Variants in SCMH1 observed in about 807,000 individuals in gnomAD.
SCMH1 encodes polycomb protein SCMH1.
In SCMH1, 37 loss-of-function variants were observed where a neutral mutation model predicts 70.8. The ratio of observed to expected loss-of-function variants is 0.52; its 90% confidence interval spans 0.40 to 0.69. The LOEUF (loss-of-function observed/expected upper bound fraction) is 0.69. SCMH1 is among the 30% of genes least tolerant of loss of function. The pLI is 0.00. For missense variants in SCMH1, 607 were observed against 827.3 expected, an observed-to-expected ratio of 0.73 and a Z score of 3.27; for synonymous variants, 292 against 307.4, an observed-to-expected ratio of 0.95 and a Z score of 0.52.
chr1:41,086,071 C>G (rs1297783693), intron 8 of SCMH1, among the ~76,000 whole-genome samples: 1 of 152,054 alleles, frequency 6.6e-6, no homozygotes, highest in African/African-American at 2.4e-5. Flanking sequence ...GATCTCCTGA[C>G]CTTGTGATCT....
intron 8 of SCMH1, among the ~76,000 whole-genome samples, chr1:41,108,897 G>T (rs144701432): frequency 6.6e-6 from 1 of 152,170 alleles, no homozygotes; most frequent in Non-Finnish European, 1.5e-5. Flanking sequence ...GCTCAATGAC[G>T]TAACCAAGTT....
chr1:41,163,465 C>T (rs1646206906), intron 2 of SCMH1, among the ~76,000 whole-genome samples: 1 of 152,218 alleles, frequency 6.6e-6, no homozygotes, highest in Admixed American at 6.5e-5. Context: ...GGTTTCCGGC[C>T]AGAAAAGCAA....
chr1:41,181,601 CTCA>C (rs1409976773), intron 2 of SCMH1, among the ~76,000 whole-genome samples: 1 of 152,164 alleles, frequency 6.6e-6, no homozygotes, highest in Non-Finnish European at 1.5e-5. Context: ...TGAAGAAATG[CTCA>C]TCATCACTGG....
chr1:41,240,854 TTAC>T (rs1311646182), intron 1 of SCMH1, among the ~76,000 whole-genome samples: 1 of 152,120 alleles, frequency 6.6e-6, no homozygotes, highest in African/African-American at 2.4e-5. Flanking sequence ...TTAGAGAAAC[TTAC>T]TACGTTTTGT....
chr1:41,238,136 T>C (rs1268116325), intron 1 of SCMH1, among the ~76,000 whole-genome samples: 1 of 152,246 alleles, frequency 6.6e-6, no homozygotes, highest in East Asian at 1.9e-4. Flanking sequence ...ATCTGAATTT[T>C]GGTGTTTCTA....
intron 8 of SCMH1, among the ~76,000 whole-genome samples, chr1:41,108,506 GTTTTA>G (rs978318967): frequency 6.6e-6 from 1 of 152,150 alleles, no homozygotes; most frequent in Non-Finnish European, 1.5e-5. Flanking sequence ...ATCTGTTTCA[GTTTTA>G]TTTTAAGTCA....
At chr1:41,196,057 T>C (rs1652943561) in intron 1 of SCMH1, among the ~76,000 whole-genome samples, 1 of 151,976 alleles carries the variant, frequency 6.6e-6, no homozygotes, top group Non-Finnish European at 1.5e-5. Flanking sequence ...CAGAAAGAAA[T>C]TAAAGAAGAT....
At chr1:41,132,124 C>T (rs140678348) in intron 6 of SCMH1, among the ~76,000 whole-genome samples, 1 of 152,356 alleles carries the variant, frequency 6.6e-6, no homozygotes, top group Non-Finnish European at 1.5e-5. Context: ...AATCGCGACA[C>T]TGTCTTCCAC....
At chr1:41,188,360 C>T (rs1243607105) in intron 1 of SCMH1, among the ~76,000 whole-genome samples, 1 of 152,152 alleles carries the variant, frequency 6.6e-6, no homozygotes, top group Non-Finnish European at 1.5e-5. Flanking sequence ...GAACTCCTGA[C>T]CTCAAGAATC....
chr1:41,158,839 T>C (rs1296830586), intron 4 of SCMH1, among the ~76,000 whole-genome samples: 1 of 152,052 alleles, frequency 6.6e-6, no homozygotes, highest in East Asian at 1.9e-4. Flanking sequence ...GAGAAGGCAG[T>C]CCCTAGAGCT....
chr1:41,231,912 C>T (rs1413726212), intron 1 of SCMH1, among the ~76,000 whole-genome samples: 1 of 151,606 alleles, frequency 6.6e-6, no homozygotes, highest in Non-Finnish European at 1.5e-5. Flanking sequence ...ATCCTAGCTA[C>T]TCAGGAGGCT....
At position 41,167,752 on chromosome 1, in the gene SCMH1, C is replaced by T. The variant is rs535553351; in HGVS notation, c.14-6320G>A. ...TGAGTTTTATACTTTCATGTTTTCA[C>T]GTTGCTGATTAACGTTCTCTTCCGA... On this transcript the variant is annotated intron_variant, in intron 2 of 14. Transcript: ENST00000337495. Among the ~76,000 whole-genome samples the T allele has an allele frequency of 5.9e-5, 9 of 152,178 alleles. No homozygotes were observed. The South Asian group carries it at 1.2e-3, about 21-fold the overall frequency.
intron 10 of SCMH1, among the ~76,000 whole-genome samples, chr1:41,056,094 C>G (rs963194816): frequency 6.6e-6 from 1 of 152,170 alleles, no homozygotes; most frequent in Non-Finnish European, 1.5e-5. Flanking sequence ...ACTGATTGAT[C>G]AATAGAATAT....
chr1:41,136,582 C>T (rs888290704), intron 6 of SCMH1, among the ~76,000 whole-genome samples: 6 of 151,608 alleles, frequency 4.0e-5, no homozygotes, highest in Admixed American at 2.6e-4. Flanking sequence ...CCATGTTGGC[C>T]AGGATGGTCT....
chr1:41,052,932 T>TTC (rs57075280), intron 10 of SCMH1, among the ~76,000 whole-genome samples: 3 of 150,696 alleles, frequency 2.0e-5, no homozygotes, highest in African/African-American at 7.3e-5. Flanking sequence ...TTTTTTTTTT[T>TTC]CTTGAGACAG....
At chr1:41,125,499 G>C (rs1476383217) in intron 6 of SCMH1, among the ~76,000 whole-genome samples, 1 of 151,048 alleles carries the variant, frequency 6.6e-6, no homozygotes, top group African/African-American at 2.4e-5. Context: ...TTACAGGTGT[G>C]AGCCACTTTG....
chr1:41,227,562 G>T (rs1660509777), intron 1 of SCMH1, among the ~76,000 whole-genome samples: 3 of 152,158 alleles, frequency 2.0e-5, no homozygotes, highest in African/African-American at 7.2e-5. Context: ...CAAATTCATA[G>T]AGACATAAAG....
intron 1 of SCMH1, among the ~76,000 whole-genome samples, chr1:41,193,530 G>T (rs1039046533): frequency 6.6e-6 from 1 of 152,128 alleles, no homozygotes; most frequent in Non-Finnish European, 1.5e-5. Flanking sequence ...GGGTTGGGGG[G>T]GGGTTGAGGA....
At chr1:41,054,490 G>T (rs1649490802) in intron 10 of SCMH1, among the ~76,000 whole-genome samples, 1 of 152,092 alleles carries the variant, frequency 6.6e-6, no homozygotes, top group Non-Finnish European at 1.5e-5. Flanking sequence ...TATAAATTAT[G>T]AAAGGATTTC....
Sources: gnomAD v4.1 joint callset for allele counts (sites outside exome capture counted in the v4.1 genomes callset) on GRCh38, gnomAD v4.1.1 for gene constraint, MANE v1.5 for transcripts, NCBI Gene and HGNC (gene_info 2026-07-23, HGNC 2026-07-21) for gene names.